Variants in SIPA1L1 observed in about 807,000 individuals in gnomAD.
SIPA1L1 encodes the protein signal induced proliferation associated 1 like 1.
Under a neutral mutation model 162.7 loss-of-function variants are expected in SIPA1L1, and 26 were observed. The observed-to-expected ratio is 0.16, with a 90% CI of 0.12 to 0.22. The LOEUF (loss-of-function observed/expected upper bound fraction) is 0.22. SIPA1L1 is among the 10% of genes least tolerant of loss of function. The pLI, the probability that SIPA1L1 is intolerant of heterozygous loss-of-function variation, is 1.00. For missense variants in SIPA1L1, 1,874 were observed against 2,241.0 expected (o/e 0.84, Z 3.31); for synonymous variants, 829 against 837.4 (o/e 0.99, Z 0.17).
chr14:71,402,884 A>G (rs1452114896), intron 2 of SIPA1L1, among the ~76,000 whole-genome samples: 1 of 152,194 alleles, frequency 6.6e-6, no homozygotes, highest in African/African-American at 2.4e-5. Flanking sequence ...TTTTATTTTT[A>G]CTATTATAAT....
intron 2 of SIPA1L1, among the ~76,000 whole-genome samples, chr14:71,444,446 A>G (rs1380710645): frequency 6.6e-6 from 1 of 152,166 alleles, no homozygotes; most frequent in Non-Finnish European, 1.5e-5. Flanking sequence ...CTTCAGAAGA[A>G]GGTAAAAAGT....
At chr14:71,456,300 A>G (rs2046184631) in intron 2 of SIPA1L1, among the ~76,000 whole-genome samples, 1 of 152,262 alleles carries the variant, frequency 6.6e-6, no homozygotes, top group Non-Finnish European at 1.5e-5. Flanking sequence ...TCCATCATTC[A>G]TGATATGCTT....
chr14:71,495,420 T>C (rs1325629751), intron 2 of SIPA1L1, among the ~76,000 whole-genome samples: 1 of 151,232 alleles, frequency 6.6e-6, no homozygotes, highest in Non-Finnish European at 1.5e-5. Flanking sequence ...TTTTATATTT[T>C]CTTTTATATA....
rs1049829947 is a variant in SIPA1L1 at position 71,730,223 on chromosome 14, A to G, written c.4783A>G (p.Ser1595Gly). Residue 1595 changes from serine to glycine, a missense_variant, in exon 20 of 24, where the codon AGT becomes GGT. Physicochemically the swap from Ser to Gly is moderately conservative, Grantham distance 56. Around this residue, in one of 5 missense-constraint regions of SIPA1L1, gnomAD observed 936 missense variants for 1,051.9 expected, o/e 0.89. Coordinates refer to ENST00000381232, the MANE Select transcript of SIPA1L1 (RefSeq NM_001386936.1). Reference protein sequence around the residue: ...DQALPNDVLFSSTYPSLPKSL... With the variant: ...DQALPNDVLFGSTYPSLPKSL... ...AGCCCTGCCCAACGACGTCCTCTTC[A>G]GTAGCACGTACCCTTCTCTCCCCAA... 2.5e-6 allele frequency: 4 copies of G among 1,614,170 alleles called. No individual in the cohort carries two copies. The highest frequency in any genetic ancestry group is 1.7e-5 in the Admixed American group (1 of 60,016).
intron 5 of SIPA1L1, among the ~76,000 whole-genome samples, chr14:71,599,460 CTTTT>C (rs111750084): frequency 3.1e-5 from 4 of 130,324 alleles, no homozygotes; most frequent in Non-Finnish European, 1.6e-5. Flanking sequence ...CGATTTCATT[CTTTT>C]TTTTTTTTTT....
chr14:71,445,275 T>G (rs1223695636), intron 2 of SIPA1L1, among the ~76,000 whole-genome samples: 1 of 152,200 alleles, frequency 6.6e-6, no homozygotes, highest in Non-Finnish European at 1.5e-5. Flanking sequence ...TAGAGAACTC[T>G]CAATTGTCTG....
intron 7 of SIPA1L1, among the ~76,000 whole-genome samples, chr14:71,628,811 G>A (rs919040060): frequency 3.3e-5 from 5 of 152,190 alleles, no homozygotes; most frequent in Non-Finnish European, 7.3e-5. Context: ...GGAATAAGCA[G>A]TTGGGTGGTC....
At chr14:71,621,805 C>T (rs571538231) in intron 6 of SIPA1L1, among the ~76,000 whole-genome samples, 58 of 152,270 alleles carry the variant, frequency 3.8e-4, no homozygotes, top group African/African-American at 1.4e-3. Flanking sequence ...CTCCTTCCAT[C>T]CCTTTCTCCA....
At chr14:71,646,245 C>T (rs1051156163) in intron 7 of SIPA1L1, among the ~76,000 whole-genome samples, 2 of 150,244 alleles carry the variant, frequency 1.3e-5, no homozygotes, top group Non-Finnish European at 3.0e-5. Context: ...GGCGCTATCT[C>T]GGCTCACTGC....
chr14:71,417,500 A>AAAAAAAAAAAAAAAAAAAAAAAC (rs1566996062), intron 2 of SIPA1L1, among the ~76,000 whole-genome samples: 1 of 146,410 alleles, frequency 6.8e-6, no homozygotes, highest in Non-Finnish European at 1.5e-5. Context: ...AAAAAAAAAA[A>AAAAAAAAAAAAAAAAAAAAAAAC]AAAGAAAATC....
intron 2 of SIPA1L1, among the ~76,000 whole-genome samples, chr14:71,403,387 C>G (rs553897120): frequency 2.6e-5 from 4 of 151,926 alleles, no homozygotes; most frequent in African/African-American, 9.7e-5. Flanking sequence ...ATCATGAGGT[C>G]GGGAGTTTAA....
intron 2 of SIPA1L1, among the ~76,000 whole-genome samples, chr14:71,502,247 AAAAAAAAAAT>A (rs1222574591): frequency 8.1e-5 from 6 of 74,250 alleles, no homozygotes; most frequent in Non-Finnish European, 1.4e-4. Context: ...TACTTGAAAA[AAAAAAAAAAT>A]ATATATATAT....
At chr14:71,539,241 A>C (rs1443862734) in intron 4 of SIPA1L1, among the ~76,000 whole-genome samples, 1 of 152,166 alleles carries the variant, frequency 6.6e-6, no homozygotes, top group Non-Finnish European at 1.5e-5. Flanking sequence ...ACTCTCTCAT[A>C]AGCTGTAGAA....
chr14:71,489,986 A>C (rs1004624835), intron 2 of SIPA1L1, among the ~76,000 whole-genome samples: 1 of 152,230 alleles, frequency 6.6e-6, no homozygotes, highest in Non-Finnish European at 1.5e-5. Flanking sequence ...GGATTCTTTC[A>C]AGCCTCATTT....
chr14:71,564,570 C>T (rs1234860492), intron 4 of SIPA1L1, among the ~76,000 whole-genome samples: 4 of 148,384 alleles, frequency 2.7e-5, no homozygotes, highest in Non-Finnish European at 5.9e-5. Context: ...ACTGCAACCT[C>T]TGCCTCCCAG....
At chr14:71,697,686 A>C (rs539599798) in intron 13 of SIPA1L1, among the ~76,000 whole-genome samples, 1 of 152,300 alleles carries the variant, frequency 6.6e-6, no homozygotes, top group Non-Finnish European at 1.5e-5. Context: ...GGCATGGATT[A>C]ATTTGGGAGT....
intron 13 of SIPA1L1, among the ~76,000 whole-genome samples, chr14:71,693,500 A>T (rs2081395827): frequency 6.6e-6 from 1 of 150,734 alleles, no homozygotes; most frequent in African/African-American, 2.4e-5. Flanking sequence ...CTCCGTCTCA[A>T]AAAAAAAAGA....
At position 71,699,206 on chromosome 14, in the gene SIPA1L1, C is replaced by T. The variant is rs545673337; in HGVS notation, c.3521+79C>T. On this transcript the variant is annotated intron_variant, in intron 14 of 23. Transcript: ENST00000381232. ...ATCTGTACTCAGACATGTAAAATGA[C>T]TTCCATTCAGCCAGCCTTGATCAAT... The T allele has an allele frequency of 1.6e-5, 21 of 1,347,220 alleles. No homozygotes were observed. The South Asian group carries it at 2.1e-4, about 14-fold the overall frequency. 83.5% of individuals were successfully genotyped at this position (1,347,220 alleles called of 1,614,324 possible). A position where few individuals can be genotyped will look rare whatever the true frequency, so the allele number is the denominator to read the frequency against.
At chr14:71,675,313 A>G (rs909446322) in intron 12 of SIPA1L1, among the ~76,000 whole-genome samples, 3 of 152,208 alleles carry the variant, frequency 2.0e-5, no homozygotes, top group Non-Finnish European at 2.9e-5. Context: ...TGCACTGCAC[A>G]GCCCCACCAG....
Sources: gnomAD v4.1 joint callset for allele counts (sites outside exome capture counted in the v4.1 genomes callset) on GRCh38, gnomAD v4.1.1 for gene constraint, gnomAD v4.1.1 regional missense constraint, MANE v1.5 for transcripts, NCBI Gene and HGNC (gene_info 2026-07-23, HGNC 2026-07-21) for gene names.